The following PRKG1 variants were observed in gnomAD, a reference collection of about 807,000 sequenced individuals.
PRKG1 encodes cGMP-dependent protein kinase 1.
Under a neutral mutation model 88.1 loss-of-function variants are expected in PRKG1, and 35 were observed. The ratio of observed to expected loss-of-function variants is 0.40; its 90% confidence interval spans 0.30 to 0.53. The LOEUF is 0.53. Among genes scored for constraint, PRKG1 ranks in the 20% least tolerant of loss-of-function variants. The pLI, the probability that PRKG1 is intolerant of heterozygous loss-of-function variation, is 0.59. For missense variants in PRKG1, 540 were observed against 839.8 expected (o/e 0.64, Z 4.41); for synonymous variants, 303 against 292.5 (o/e 1.04, Z -0.37).
At chr10:51,885,149 A>G (rs1841537037) in intron 4 of PRKG1, among the ~76,000 whole-genome samples, 1 of 152,218 alleles carries the variant, frequency 6.6e-6, no homozygotes, top group Admixed American at 6.5e-5. Flanking sequence ...CTTTACATGT[A>G]ATTAAGTCAT....
intron 2 of PRKG1, among the ~76,000 whole-genome samples, chr10:51,289,599 TA>T (rs1487628393): frequency 6.6e-6 from 1 of 152,048 alleles, no homozygotes; most frequent in Non-Finnish European, 1.5e-5. Context: ...TCACCTAGGA[TA>T]CTTGGGAAAC....
intron 4 of PRKG1, among the ~76,000 whole-genome samples, chr10:51,889,575 T>C (rs984319617): frequency 1.3e-5 from 2 of 152,132 alleles, no homozygotes; most frequent in Non-Finnish European, 2.9e-5. Flanking sequence ...ATATACCTAG[T>C]AATTGGATGG....
At chr10:51,183,631 C>T (rs1368692968) in intron 2 of PRKG1, among the ~76,000 whole-genome samples, 3 of 152,142 alleles carry the variant, frequency 2.0e-5, no homozygotes, top group South Asian at 2.1e-4. Context: ...GAAGCTTCAA[C>T]ATATCAAGAT....
At chr10:52,033,357 G>T (rs1379274413) in intron 5 of PRKG1, among the ~76,000 whole-genome samples, 1 of 152,164 alleles carries the variant, frequency 6.6e-6, no homozygotes, top group Non-Finnish European at 1.5e-5. Context: ...TAAAACAACA[G>T]CACACTTCTC....
At chr10:52,058,562 G>A (rs1846163438) in intron 6 of PRKG1, among the ~76,000 whole-genome samples, 1 of 152,020 alleles carries the variant, frequency 6.6e-6, no homozygotes, top group Non-Finnish European at 1.5e-5. Flanking sequence ...GTAACTGACA[G>A]CAAAAGGAAA....
intron 2 of PRKG1, among the ~76,000 whole-genome samples, chr10:51,367,081 T>C (rs957742404): frequency 2.0e-5 from 3 of 151,962 alleles, no homozygotes; most frequent in African/African-American, 7.2e-5. Flanking sequence ...CCATTTGTTT[T>C]ACTAGGTTTT....
intron 6 of PRKG1, among the ~76,000 whole-genome samples, chr10:52,058,810 A>T (rs1429102941): frequency 6.6e-6 from 1 of 152,008 alleles, no homozygotes. Flanking sequence ...AGTGGGCTTT[A>T]TCAAATTTAG....
rs370904301 is a variant in PRKG1, at chr10:51,827,513, A to G, written c.698+22823A>G. ...TATATTTTTGATACTCTTAATTTCT[A>G]CACATAATGATTTACTAAATTCCAA... On this transcript the variant is annotated intron_variant, in intron 4 of 17. Transcript: ENST00000373980. Among the ~76,000 whole-genome samples, 3 of 152,080 alleles carry G rather than the reference A, an allele frequency of 2.0e-5. No homozygotes were observed. In the East Asian group the frequency reaches 5.8e-4, roughly 29 times the overall value.
At chr10:52,212,411 C>T (rs951425364) in intron 9 of PRKG1, among the ~76,000 whole-genome samples, 5 of 152,176 alleles carry the variant, frequency 3.3e-5, no homozygotes, top group African/African-American at 9.7e-5. Flanking sequence ...CTTAATTTAA[C>T]ACTGGTAATT....
intron 5 of PRKG1, among the ~76,000 whole-genome samples, chr10:51,947,014 G>A (rs1022794951): frequency 5.3e-5 from 8 of 152,070 alleles, no homozygotes; most frequent in African/African-American, 1.9e-4. Context: ...GGACATTTAA[G>A]TCTACAGAGG....
In PRKG1 at chr10:51,695,326, T is replaced by G. The variant is rs964762321; in HGVS notation, c.593-109259T>G. ...TTTATAGTTATTTCAACTGTCAAAC[T>G]ATATAGATAATGGCTCTAAGTGAGT... On this transcript the variant is annotated intron_variant, in intron 3 of 17. Coordinates refer to ENST00000373980, the MANE Select transcript of PRKG1 (RefSeq NM_006258.4). 2.0e-5 allele frequency among the ~76,000 whole-genome samples: 3 copies of G among 152,214 alleles called. No individual in the cohort carries two copies. In the East Asian group the frequency reaches 5.8e-4, roughly 29 times the overall value.
chr10:51,728,117 G>A (rs913003471), intron 3 of PRKG1, among the ~76,000 whole-genome samples: 11 of 152,014 alleles, frequency 7.2e-5, no homozygotes, highest in African/African-American at 2.4e-4. Context: ...ATATAATATA[G>A]CACACTTCAC....
chr10:51,361,111 G>A (rs546033726), intron 2 of PRKG1, among the ~76,000 whole-genome samples: 16 of 151,940 alleles, frequency 1.1e-4, no homozygotes, highest in African/African-American at 3.9e-4. Flanking sequence ...ATTCTGGCGT[G>A]TCTTATTGCT....
intron 1 of PRKG1, among the ~76,000 whole-genome samples, chr10:51,143,342 A>G (rs1051871961): frequency 2.0e-5 from 3 of 152,100 alleles, no homozygotes; most frequent in Non-Finnish European, 4.4e-5. Flanking sequence ...GTAATATTCC[A>G]TTGTGTCTGT....
chr10:51,104,834 A>G (rs1387678095), intron 1 of PRKG1, among the ~76,000 whole-genome samples: 1 of 151,910 alleles, frequency 6.6e-6, no homozygotes, highest in Non-Finnish European at 1.5e-5. Flanking sequence ...GGTTCAAGTG[A>G]TTCTCCTGCC....
intron 2 of PRKG1, among the ~76,000 whole-genome samples, chr10:51,267,320 A>T (rs1839861485): frequency 6.6e-6 from 1 of 152,198 alleles, no homozygotes; most frequent in Non-Finnish European, 1.5e-5. Flanking sequence ...TTTTGTTAAC[A>T]TCATATAAAC....
intron 5 of PRKG1, among the ~76,000 whole-genome samples, chr10:52,037,093 G>A (rs1845636538): frequency 6.6e-6 from 1 of 152,272 alleles, no homozygotes; most frequent in African/African-American, 2.4e-5. Flanking sequence ...AGTTCCAGGG[G>A]CTCTGGGAGT....
At chr10:51,432,046 C>T (rs1838785089) in intron 2 of PRKG1, among the ~76,000 whole-genome samples, 1 of 152,082 alleles carries the variant, frequency 6.6e-6, no homozygotes, top group Non-Finnish European at 1.5e-5. Context: ...TTAATAGAGC[C>T]TTGACACATG....
chr10:52,227,509 A>G (rs1369593257), intron 9 of PRKG1, among the ~76,000 whole-genome samples: 1 of 152,130 alleles, frequency 6.6e-6, no homozygotes, highest in Non-Finnish European at 1.5e-5. Context: ...TAAGTAATCT[A>G]GAGATAATTT....
Sources: allele counts gnomAD v4.1 joint callset (sites outside exome capture counted in the v4.1 genomes callset), GRCh38; gene constraint gnomAD v4.1.1; transcripts MANE v1.5; gene names NCBI Gene and HGNC (gene_info 2026-07-23, HGNC 2026-07-21).